The following SHC1 variants were observed in gnomAD, a reference collection of about 807,000 sequenced individuals.
The protein encoded by SHC1 is SHC-transforming protein 1.
Under a neutral mutation model 55.9 loss-of-function variants are expected in SHC1, and 30 were observed. That is an observed-to-expected ratio of 0.54 (90% CI 0.40 to 0.73). SHC1 has a LOEUF of 0.73. Among genes scored for constraint, SHC1 ranks in the 30% least tolerant of loss-of-function variants. SHC1 has a pLI of 0.00. For missense variants in SHC1, 675 were observed against 777.1 expected, an observed-to-expected ratio of 0.87 and a Z score of 1.56; for synonymous variants, 309 against 306.1, an observed-to-expected ratio of 1.01 and a Z score of -0.10.
At position 154,970,125 on chromosome 1, in the gene SHC1, C is replaced by T; in HGVS notation, c.402G>A (p.Trp134Ter). The T allele has an allele frequency of 6.2e-7, 1 of 1,613,280 alleles. No homozygotes were observed. The highest frequency in any genetic ancestry group is 8.5e-7 in the Non-Finnish European group (1 of 1,179,888). ...VEGGQLGGEEWTRHGSFVNKP... is the reference protein window; with the variant it reads ...VEGGQLGGEE ...TATTGACAAAGCTCCCGTGGCGGGT[C>T]CACTCCTCGCCCCCAAGCTGGCCCC... is the stretch of plus-strand genomic sequence containing the variant. The change falls in exon 1 of 12, where the codon TGG becomes TGA. Residue 134 changes from tryptophan (W) to a stop codon, truncating the protein, a stop_gained. Transcript: ENST00000448116. LOFTEE classifies it high-confidence loss of function. This position sits in a 1 kb window ranked among gnomAD's most constrained non-coding sequence, Gnocchi z 5.5.
rs761039593 is a variant in SHC1 at position 154,967,962 on chromosome 1, C to T, written c.856+18G>A. The T allele has an allele frequency of 5.6e-6, 9 of 1,613,748 alleles. No homozygotes were observed. Among genetic ancestry groups the T allele is most frequent in the Non-Finnish European group, 6.8e-6 (8 of 1,179,738 alleles). On this transcript the variant is annotated intron_variant, in intron 6 of 11. Coordinates refer to ENST00000448116, the MANE Select transcript of SHC1 (RefSeq NM_001130040.2). The stretch of plus-strand genomic sequence containing the variant: ...CTCAAACAGCCAGACCCACCCAGTG[C>T]TCCCCACCATGCCTCACCTCTCTGA...
At chr1:154,967,550 T>C (rs1185909383) in intron 7 of SHC1, 121 bp downstream of exon 7, 3 of 1,048,434 alleles carry the variant, frequency 2.9e-6, no homozygotes, top group Non-Finnish European at 4.1e-6. Flanking sequence ...TAGCAGGAAG[T>C]GGGAAGCAGA....
At chr1:154,969,263 T>C in intron 2 of SHC1, 115 bp downstream of exon 2, 1 of 730,556 alleles carries the variant, frequency 1.4e-6, no homozygotes, top group South Asian at 1.6e-5. Flanking sequence ...TCAATCCCCT[T>C]TACTACGCAA....
Position 154,967,738 on chromosome 1 carries a change from G to C in SHC1, c.916C>G (p.Gln306Glu). ...TGTTTGAAGCGCAACTCGAAGGCCT[G>C]GCCAATGGTGCTGATGACATCCTGG... ...LAQDVISTIG[Q>E]AFELRFKQYL... The change falls in exon 7 of 12, where the codon CAG becomes GAG. Residue 306 changes from glutamine to glutamate, a missense_variant. Gln to Glu is a conservative substitution (Grantham distance 29). Coordinates refer to ENST00000448116, the MANE Select transcript of SHC1 (RefSeq NM_001130040.2). 2 of 1,614,074 alleles carry C rather than the reference G, an allele frequency of 1.2e-6. No individual in the cohort carries two copies. The highest frequency in any genetic ancestry group is 1.7e-6 in the Non-Finnish European group (2 of 1,179,992).
chr1:154,964,461 G>C, intron 11 of SHC1: 1 of 357,192 alleles, frequency 2.8e-6, no homozygotes, highest in South Asian at 2.2e-5. Flanking sequence ...AAAAAGAAAG[G>C]AAGCTGAGAT....
chr1:154,971,538 G>C (rs1265099781), upstream of SHC1, among the ~76,000 whole-genome samples: 3 of 152,058 alleles, frequency 2.0e-5, no homozygotes, highest in Non-Finnish European at 4.4e-5. Context: ...CCTTTCCACA[G>C]GGCTTGTTAA....
At position 154,963,518 on chromosome 1, in the gene SHC1, C is replaced by T. The variant is rs540719474; in HGVS notation, c.*285G>A. ...GGACATTTTCCATGACAAGCACTCA[C>T]CTTCTTGGGGAAGGGGCATCAGGTT... is the stretch of plus-strand genomic sequence containing the variant. On this transcript the variant is annotated 3_prime_UTR_variant, in exon 12 of 12. Coordinates refer to ENST00000448116, the MANE Select transcript of SHC1 (RefSeq NM_001130040.2). 2.7e-5 allele frequency: 9 copies of T among 333,316 alleles called. No homozygotes were observed. Among genetic ancestry groups the T allele is most frequent in the Admixed American group, 1.6e-4 (4 of 24,530 alleles). 20.6% of individuals were successfully genotyped at this position (333,316 alleles called of 1,614,324 possible).
chr1:154,964,850 GA>G (rs1384703321), intron 11 of SHC1, among the ~76,000 whole-genome samples: 1 of 152,226 alleles, frequency 6.6e-6, no homozygotes. Context: ...GGGAGCTGGA[GA>G]AGCCCTTGGA....
rs758314243 is a variant in SHC1 at position 154,966,480 on chromosome 1, C to T, written c.1021G>A (p.Glu341Lys). Residue 341 changes from glutamate (E) to lysine (K), a missense_variant, in exon 8 of 12, where the codon GAG becomes AAG. Physicochemically the swap from Glu to Lys is moderately conservative, Grantham distance 56 (BLOSUM62 1). Around this residue, in one of 3 missense-constraint regions of SHC1, gnomAD observed 360 missense variants for 371.1 expected, o/e 0.97. Transcript: ENST00000448116. ...GFDGSAWDEE[E>K]EEPPDHQYYN... ...TACTGATGGTCAGGTGGCTCTTCCT[C>T]CTCCTCATCCCATGCTGAGCCATCA... 4.4e-6 allele frequency: 7 copies of T among 1,608,540 alleles called. No homozygotes were observed. The highest frequency in any genetic ancestry group is 5.1e-6 in the Non-Finnish European group (6 of 1,176,934).
chr1:154,965,713 C>G lies in SHC1; in HGVS notation c.1456G>C (p.Gly486Arg). Reference sequence around the variant, plus strand: ...AGCTTCCCATGGAACCAGGGCTCCCCTCGGAGCTGCTCAGCCATGGACACC... The same window carrying G: ...AGCTTCCCATGGAACCAGGGCTCCCGTCGGAGCTGCTCAGCCATGGACACC... The part of the protein sequence containing the change: ...QSVSMAEQLR[G>R]EPWFHGKLSR... The change falls in exon 11 of 12, where the codon GGG becomes CGG. Residue 486 changes from glycine (G) to arginine (R), a missense_variant. By Grantham distance (125) the Gly-to-Arg change is moderately radical. This residue lies in a region of SHC1 where 360 missense variants were observed against 371.1 expected (regional missense o/e 0.97). Coordinates refer to ENST00000448116, the MANE Select transcript of SHC1 (RefSeq NM_001130040.2). 1 of 1,614,204 alleles carries G rather than the reference C, an allele frequency of 6.2e-7. No individual in the cohort carries two copies. The highest frequency in any genetic ancestry group is 8.5e-7 in the Non-Finnish European group (1 of 1,180,030).
chr1:154,967,357 A>G (rs1656133841), intron 7 of SHC1, among the ~76,000 whole-genome samples: 2 of 152,170 alleles, frequency 1.3e-5, no homozygotes, highest in South Asian at 4.1e-4. Flanking sequence ...AGGAAAACAC[A>G]TAATGCCAAG....
chr1:154,973,940 C>T (rs148048164), upstream of SHC1, among the ~76,000 whole-genome samples: 403 of 151,934 alleles, frequency 2.7e-3, no homozygotes, highest in Non-Finnish European at 4.0e-3. Flanking sequence ...AGGAGTTAGC[C>T]GAGGATCGTT....
In SHC1 at chr1:154,969,398, G is replaced by A. The variant is rs1656447644; in HGVS notation, c.546C>T (p.Asn182=). 6.2e-7 allele frequency: 1 copy of A among 1,611,598 alleles called. No homozygotes were observed. The highest frequency in any genetic ancestry group is 1.3e-5 in the African/African-American group (1 of 74,984). Residue 182 remains asparagine (N), a synonymous_variant, in exon 2 of 12, where the codon AAC becomes AAT. Coordinates refer to ENST00000448116, the MANE Select transcript of SHC1 (RefSeq NM_001130040.2). ...VLQSMRALDF[N]TRTQVTREAI... The stretch of plus-strand genomic sequence containing the variant: ...CTAACCTGGTGACCTGAGTCCGGGT[G>A]TTGAAGTCCAGGGCACGCATTGACT...
chr1:154,973,943 G>A (rs888057003), upstream of SHC1, among the ~76,000 whole-genome samples: 1 of 152,134 alleles, frequency 6.6e-6, no homozygotes, highest in Non-Finnish European at 1.5e-5. Flanking sequence ...AGTTAGCCGA[G>A]GATCGTTGCT....
Position 154,963,759 on chromosome 1 carries a change from G to C in SHC1, c.*44C>G, listed in dbSNP as rs767459259. 2 of 1,606,852 alleles carry C rather than the reference G, an allele frequency of 1.2e-6. No individual in the cohort carries two copies. Among genetic ancestry groups the C allele is most frequent in the Non-Finnish European group, 1.7e-6 (2 of 1,175,426 alleles). On this transcript the variant is annotated 3_prime_UTR_variant, in exon 12 of 12. Transcript: ENST00000448116. ...GTCCCGAGAGTTAGGGAATAGGGTG[G>C]AAAGGATTGGAGGGCATCTTCTGGA... is the stretch of plus-strand genomic sequence containing the variant.
rs1656349202 is a variant in SHC1, at chr1:154,968,770, C to A, written c.630+1G>T. 1.2e-6 allele frequency: 2 copies of A among 1,613,572 alleles called. No homozygotes were observed. Among genetic ancestry groups the A allele is most frequent in the Non-Finnish European group, 1.7e-6 (2 of 1,179,652 alleles). On this transcript the variant is annotated splice_donor_variant, in intron 3 of 11. Coordinates refer to ENST00000448116, the MANE Select transcript of SHC1 (RefSeq NM_001130040.2). LOFTEE classifies it high-confidence loss of function. ...TCCCTATCCCCAAGGACCCCAAGTA[C>A]CTTTCTCCTCCTTGTCGCCCCCTTA...
At chr1:154,967,490 C>T (rs552393474) in intron 7 of SHC1, among the ~76,000 whole-genome samples, 181 bp downstream of exon 7, 2 of 152,166 alleles carry the variant, frequency 1.3e-5, no homozygotes, top group Admixed American at 6.5e-5. Flanking sequence ...GGTCCTGCGG[C>T]AAGCAGGGCC....
intron 5 of SHC1, 36 bp from the exon 6 acceptor site, chr1:154,968,067 T>G: frequency 6.2e-7 from 1 of 1,611,554 alleles, no homozygotes; most frequent in Non-Finnish European, 8.5e-7. Context: ...ACAGTTCTAC[T>G]TTACTCCTGA....
intron 11 of SHC1, chr1:154,965,290 G>T (rs1655793680): frequency 6.7e-6 from 8 of 1,198,252 alleles, no homozygotes; most frequent in Non-Finnish European, 8.9e-6. Flanking sequence ...ACCTGCCTCA[G>T]CCTCCCAAAG....
Sources: gnomAD v4.1 joint callset for allele counts (sites outside exome capture counted in the v4.1 genomes callset) on GRCh38, gnomAD v4.1.1 for gene constraint, gnomAD v4.1.1 regional missense constraint, Gnocchi (gnomAD v3.1) non-coding constraint, MANE v1.5 for transcripts, NCBI Gene and HGNC (gene_info 2026-07-23, HGNC 2026-07-21) for gene names.